The following PRKAA1 variants were observed in gnomAD, a reference collection of about 807,000 sequenced individuals.
The protein encoded by PRKAA1 is protein kinase AMP-activated catalytic subunit alpha 1, also known as 5'-AMP-activated protein kinase catalytic subunit alpha-1.
A neutral mutation model predicts 56.9 loss-of-function variants in PRKAA1; 23 were observed. The ratio of observed to expected loss-of-function variants is 0.40; its 90% CI spans 0.29 to 0.57. The LOEUF (loss-of-function observed/expected upper bound fraction) is 0.57. Ranked by LOEUF, PRKAA1 falls within the 20% of genes least tolerant of loss-of-function variation. PRKAA1 has a pLI of 0.39. For synonymous variants in PRKAA1, 226 were observed against 227.0 expected (o/e 1.00, Z 0.04); for missense variants, 413 against 679.7 (o/e 0.61, Z 4.36).
intron 6 of PRKAA1, among the ~76,000 whole-genome samples, chr5:40,766,532 T>C (rs1234327306): frequency 6.6e-6 from 1 of 152,214 alleles, no homozygotes; most frequent in Non-Finnish European, 1.5e-5. Flanking sequence ...CAGATGAAAC[T>C]GGTTATACTG....
In PRKAA1 at chr5:40,761,030, AAT is replaced by A. The variant is rs1057489806; in HGVS notation, c.*1746_*1747del. The A allele has an allele frequency of 3.6e-4, 55 of 152,370 alleles. No individual in the cohort carries two copies. Among genetic ancestry groups the A allele is most frequent in the African/African-American group, 1.3e-3 (54 of 41,552 alleles). The allele number at this position is 152,370 out of a possible 1,614,324, so 9.4% of individuals were successfully genotyped here. Reference sequence around the variant, plus strand: ...GATGCAATTAAGAATGACAAAAAAAAATATCAGTGTAAATCAGAAATCTTAGG... The same window carrying A: ...GATGCAATTAAGAATGACAAAAAAAAATCAGTGTAAATCAGAAATCTTAGG... On this transcript the variant is annotated 3_prime_UTR_variant, in exon 9 of 9. Coordinates refer to ENST00000397128, the MANE Select transcript of PRKAA1 (RefSeq NM_006251.6).
At chr5:40,778,759 AT>A (rs1324291656) in intron 1 of PRKAA1, among the ~76,000 whole-genome samples, 6 of 126,448 alleles carry the variant, frequency 4.7e-5, no homozygotes, top group African/African-American at 1.2e-4. Flanking sequence ...TGTGTTTTAA[AT>A]TTTTTTTCCT....
chr5:40,777,753 G>C (rs956284512), intron 1 of PRKAA1, among the ~76,000 whole-genome samples, 167 bp from the exon 2 acceptor site: 2 of 152,084 alleles, frequency 1.3e-5, no homozygotes, highest in African/African-American at 4.8e-5. Flanking sequence ...GGCCAACATG[G>C]CAAAACCCCA....
rs548706074 is a variant in PRKAA1, at chr5:40,777,138, G to A, written c.269+307C>T. The A allele has an allele frequency of 7.0e-4, 126 of 180,588 alleles. 1 individual carries two copies. Among genetic ancestry groups the A allele is most frequent in the African/African-American group, 2.7e-3 (114 of 42,160 alleles). The allele number at this position is 180,588 out of a possible 1,614,324, so 11.2% of individuals were successfully genotyped here. ...AGCCATTCTCCTGCCTTAGCCTCCCGAGTAGCTGGTATTACAGGCGCCCAC... is the reference window on the plus strand; with the variant it reads ...AGCCATTCTCCTGCCTTAGCCTCCCAAGTAGCTGGTATTACAGGCGCCCAC... On this transcript the variant is annotated intron_variant, in intron 2 of 8. Coordinates refer to ENST00000397128, the MANE Select transcript of PRKAA1 (RefSeq NM_006251.6).
rs1743239326 is a variant in PRKAA1, at chr5:40,762,536, CTATAA to C, written c.*237_*241del. Reference sequence around the variant, plus strand: ...GCCAAAAATCAAGTAAGCCTGAGACCTATAATTCACTGTGTATATTATGCTATATA... The same window carrying C: ...GCCAAAAATCAAGTAAGCCTGAGACCTTCACTGTGTATATTATGCTATATA... On this transcript the variant is annotated 3_prime_UTR_variant, in exon 9 of 9. Transcript: ENST00000397128. 16 of 444,602 alleles carry C rather than the reference CTATAA, an allele frequency of 3.6e-5. No individual in the cohort carries two copies. In the South Asian group the frequency reaches 4.3e-4, roughly 12 times the overall value. 27.5% of individuals were successfully genotyped at this position (444,602 alleles called of 1,614,324 possible). A position where few individuals can be genotyped will look rare whatever the true frequency, so the allele number is the denominator to read the frequency against.
At position 40,775,431 on chromosome 5, in the gene PRKAA1, A is replaced by T. The variant is rs747608675; in HGVS notation, c.342T>A (p.Asp114Glu). 1 of 1,602,382 alleles carries T rather than the reference A, an allele frequency of 6.2e-7. No homozygotes were observed. Among genetic ancestry groups the T allele is most frequent in the East Asian group, 2.2e-5 (1 of 44,774 alleles). Residue 114 changes from aspartate (D) to glutamate (E), a missense_variant, in exon 3 of 9, where the codon GAT (aspartate) becomes GAA (glutamate). Asp to Glu is a conservative substitution (Grantham distance 45). Transcript: ENST00000397128. ...TTACCCTTCCATTCTTACAGATATA[A>T]TCAAATAGCTCTCCTCCTGAGACAT... is the stretch of plus-strand genomic sequence containing the variant. ...MEYVSGGELF[D>E]YICKNGRLDE...
intron 1 of PRKAA1, chr5:40,790,233 A>G (rs1044760415): frequency 2.6e-5 from 4 of 152,268 alleles, no homozygotes; most frequent in Non-Finnish European, 4.4e-5. Context: ...GATATTCACC[A>G]TTAAAATTAA....
intron 1 of PRKAA1, among the ~76,000 whole-genome samples, chr5:40,795,299 C>T (rs1326288792): frequency 3.3e-5 from 5 of 152,076 alleles, no homozygotes; most frequent in African/African-American, 1.2e-4. Flanking sequence ...GTATACTGCT[C>T]AGGTGATGGG....
At chr5:40,768,527 AAT>A in intron 5 of PRKAA1, 1 of 965,402 alleles carries the variant, frequency 1.0e-6, no homozygotes, top group East Asian at 1.1e-4. Context: ...ACATTAAGTT[AAT>A]ATTTAAAAAA....
intron 1 of PRKAA1, among the ~76,000 whole-genome samples, chr5:40,788,259 A>G (rs898655905): frequency 6.6e-6 from 1 of 152,218 alleles, no homozygotes; most frequent in African/African-American, 2.4e-5. Context: ...TGCCAAGACT[A>G]CACAATGTGG....
intron 6 of PRKAA1, among the ~76,000 whole-genome samples, chr5:40,765,767 G>A (rs892197868): frequency 1.3e-4 from 19 of 151,780 alleles, no homozygotes; most frequent in African/African-American, 4.6e-4. Flanking sequence ...AAAAATCAAG[G>A]AACATGCTCA....
chr5:40,792,805 G>A (rs560909984), intron 1 of PRKAA1, among the ~76,000 whole-genome samples: 3 of 152,226 alleles, frequency 2.0e-5, no homozygotes, highest in African/African-American at 4.8e-5. Context: ...GCTCATGCCT[G>A]TAATCCCAGC....
intron 8 of PRKAA1, 49 bp from the exon 9 acceptor site, chr5:40,763,071 AAATTT>A: frequency 6.3e-7 from 1 of 1,587,390 alleles, no homozygotes; most frequent in African/African-American, 1.4e-5. Flanking sequence ...CTTCTCCCAA[AAATTT>A]TTGTAACAGT....
chr5:40,759,630 A>G lies in PRKAA1; in HGVS notation c.*3148T>C, dbSNP rs1743082262. 1 of 152,308 alleles carries G rather than the reference A, an allele frequency of 6.6e-6. No individual in the cohort carries two copies. Among genetic ancestry groups the G allele is most frequent in the Admixed American group, 6.5e-5 (1 of 15,282 alleles). The allele number at this position is 152,308 out of a possible 1,614,324, so 9.4% of individuals were successfully genotyped here. Reference sequence around the variant, plus strand: ...AGGGGAAAAAATTTGGACAGCACACACTTTTCTTTCATTCCAAAGGTGCCA... The same window carrying G: ...AGGGGAAAAAATTTGGACAGCACACGCTTTTCTTTCATTCCAAAGGTGCCA... On this transcript the variant is annotated 3_prime_UTR_variant, in exon 9 of 9. Transcript: ENST00000397128.
At chr5:40,779,808 A>G (rs1360913222) in intron 1 of PRKAA1, among the ~76,000 whole-genome samples, 1 of 152,168 alleles carries the variant, frequency 6.6e-6, no homozygotes, top group Non-Finnish European at 1.5e-5. Context: ...TCATTTACTG[A>G]GCAAGTTTCA....
chr5:40,763,172 C>A (rs1743271362), intron 8 of PRKAA1, 150 bp from the exon 9 acceptor site: 1 of 736,396 alleles, frequency 1.4e-6, no homozygotes. Context: ...GTCAATGAGC[C>A]TGTATTAAAC....
At position 40,762,629 on chromosome 5, in the gene PRKAA1, TA is replaced by T; in HGVS notation, c.*148del. 1 of 971,668 alleles carries T rather than the reference TA, an allele frequency of 1.0e-6. No individual in the cohort carries two copies. The highest frequency in any genetic ancestry group is 1.5e-6 in the Non-Finnish European group (1 of 673,356). The allele number at this position is 971,668 out of a possible 1,614,324, so 60.2% of individuals were successfully genotyped here. ...TTTCTGCATATTAGGCTTTTAACTA[TA>T]AATCATGTTCCAATCCCTGTGCAAA... On this transcript the variant is annotated 3_prime_UTR_variant, in exon 9 of 9. Coordinates refer to ENST00000397128, the MANE Select transcript of PRKAA1 (RefSeq NM_006251.6).
chr5:40,790,521 C>CT (rs1744671314), intron 1 of PRKAA1, among the ~76,000 whole-genome samples: 2 of 77,502 alleles, frequency 2.6e-5, no homozygotes, highest in Non-Finnish European at 5.8e-5. Context: ...GGAGTCAACT[C>CT]TTTCTTTTTT....
intron 6 of PRKAA1, 112 bp from the exon 7 acceptor site, chr5:40,765,350 A>G: frequency 2.4e-6 from 3 of 1,255,452 alleles, no homozygotes; most frequent in Non-Finnish European, 1.1e-6. Context: ...TTCATACTGT[A>G]TTATTGTCAC....
Sources: gnomAD v4.1 joint callset for allele counts (sites outside exome capture counted in the v4.1 genomes callset) on GRCh38, gnomAD v4.1.1 for gene constraint, MANE v1.5 for transcripts, NCBI Gene and HGNC (gene_info 2026-07-23, HGNC 2026-07-21) for gene names.